The following ASIC1 variants were observed in gnomAD, a reference collection of about 807,000 sequenced individuals.
ASIC1 encodes the protein acid-sensing ion channel 1.
A neutral mutation model predicts 63.4 loss-of-function variants in ASIC1; 21 were observed. The ratio of observed to expected loss-of-function variants is 0.33; its 90% CI spans 0.23 to 0.48. ASIC1 has a LOEUF of 0.48. Ranked by LOEUF, ASIC1 falls within the 20% of genes least tolerant of loss-of-function variation. The probability of loss-of-function intolerance (pLI) is 0.99; values close to 1 mark genes in which losing one functional copy is unlikely to be tolerated. For missense variants in ASIC1, 478 were observed against 695.5 expected (o/e 0.69, Z 3.52); for synonymous variants, 258 against 278.2 (o/e 0.93, Z 0.72).
At chr12:50,065,660 G>T (rs373947428) in intron 3 of ASIC1, among the ~76,000 whole-genome samples, 180 of 152,340 alleles carry the variant, frequency 1.2e-3, no homozygotes, top group South Asian at 5.2e-3. Flanking sequence ...GCCACCCCAG[G>T]CTCTCCAAGG....
rs1040152205 is a variant in ASIC1 at position 50,059,662 on chromosome 12, C to T, written c.363-97C>T. On this transcript the variant is annotated intron_variant, in intron 2 of 11. Transcript: ENST00000447966. This position sits in a 1 kb window ranked among gnomAD's most constrained non-coding sequence, Gnocchi z 4.6. ...TCTCCTTCCTTGCCTACACCTGGGA[C>T]TGATCCCCAGGGCTGGAGGCTGCCC... The T allele has an allele frequency of 4.7e-6, 6 of 1,281,990 alleles. No homozygotes were observed. The highest frequency in any genetic ancestry group is 1.9e-4 in the Middle Eastern group (1 of 5,298). 79.4% of individuals were successfully genotyped at this position (1,281,990 alleles called of 1,614,324 possible). A position where few individuals can be genotyped will look rare whatever the true frequency, so the allele number is the denominator to read the frequency against.
At chr12:50,062,150 C>T (rs1235104028) in intron 3 of ASIC1, among the ~76,000 whole-genome samples, 1 of 152,238 alleles carries the variant, frequency 6.6e-6, no homozygotes, top group African/African-American at 2.4e-5. Flanking sequence ...TGTTCCCACA[C>T]AGATGGGCGT....
rs750969182 is a variant in ASIC1 at position 50,078,570 on chromosome 12, C to T, written c.987C>T (p.His329=). The T allele has an allele frequency of 1.9e-6, 3 of 1,614,088 alleles. No individual in the cohort carries two copies. The highest frequency in any genetic ancestry group is 2.5e-6 in the Non-Finnish European group (3 of 1,179,976). The part of the protein sequence containing the change: ...LVENCNCRMV[H]MPGDAPYCTP... ...AGAACTGCAACTGCCGCATGGTGCA[C>T]ATGCCAGGTCAGGCCTGGGGCTCCG... The change falls in exon 6 of 12, where the codon CAC becomes CAT. Residue 329 remains histidine, a synonymous_variant. Coordinates refer to ENST00000447966, the MANE Select transcript of ASIC1 (RefSeq NM_001095.4). The surrounding 1 kb of genome is among the most constrained non-coding windows in gnomAD (Gnocchi z 6.0).
At chr12:50,058,126 C>A (rs1950463711) in intron 1 of ASIC1, among the ~76,000 whole-genome samples, 1 of 151,900 alleles carries the variant, frequency 6.6e-6, no homozygotes, top group Admixed American at 6.6e-5. Context: ...TAGGGAACCG[C>A]GCCCCCCCTC....
intron 3 of ASIC1, among the ~76,000 whole-genome samples, chr12:50,060,836 G>A (rs1279941777): frequency 1.3e-5 from 2 of 152,206 alleles, no homozygotes; most frequent in African/African-American, 2.4e-5. Context: ...AGCCATGCAG[G>A]AACAATAACA....
At position 50,081,929 on chromosome 12, in the gene ASIC1, G is replaced by C; in HGVS notation, c.*280G>C. 2.2e-6 allele frequency: 1 copy of C among 455,354 alleles called. No individual in the cohort carries two copies. Among genetic ancestry groups the C allele is most frequent in the Non-Finnish European group, 4.0e-6 (1 of 252,336 alleles). 28.2% of individuals were successfully genotyped at this position (455,354 alleles called of 1,614,324 possible). A position where few individuals can be genotyped will look rare whatever the true frequency, so the allele number is the denominator to read the frequency against. On this transcript the variant is annotated 3_prime_UTR_variant, in exon 12 of 12. Transcript: ENST00000447966. The stretch of plus-strand genomic sequence containing the variant: ...TCTCTCCTCCATGCTGCCTCCCCTA[G>C]CTCCCAGCCTGAATTCTGTCTATCT...
At chr12:50,069,260 A>T (rs1183488402) in intron 3 of ASIC1, among the ~76,000 whole-genome samples, 1 of 56,846 alleles carries the variant, frequency 1.8e-5, no homozygotes, top group Non-Finnish European at 4.6e-5. Context: ...TTTTTATTTT[A>T]TTTATTTATT....
rs1156760325 is a variant in ASIC1, at chr12:50,073,497, G to T, written c.559-3716G>T. On this transcript the variant is annotated intron_variant, in intron 3 of 11. Transcript: ENST00000447966. ...ACGGGCTGGGTGGCTGGCTCTGCCG[G>T]ACTCTGCCTGGAGTCACATCGCCTT... is the stretch of plus-strand genomic sequence containing the variant. 5.6e-6 allele frequency: 8 copies of T among 1,433,172 alleles called. No homozygotes were observed. The South Asian group carries it at 1.2e-4, about 22-fold the overall frequency. 88.8% of individuals were successfully genotyped at this position (1,433,172 alleles called of 1,614,324 possible). A position where few individuals can be genotyped will look rare whatever the true frequency, so the allele number is the denominator to read the frequency against.
rs970951760 is a variant in ASIC1 at position 50,083,602 on chromosome 12, G to A, written c.*1953G>A. 1.3e-5 allele frequency: 2 copies of A among 152,660 alleles called. No individual in the cohort carries two copies. The highest frequency in any genetic ancestry group is 4.8e-5 in the African/African-American group (2 of 41,436). The allele number at this position is 152,660 out of a possible 1,614,324, so 9.5% of individuals were successfully genotyped here. A position where few individuals can be genotyped will look rare whatever the true frequency, so the allele number is the denominator to read the frequency against. On this transcript the variant is annotated 3_prime_UTR_variant, in exon 12 of 12. Coordinates refer to ENST00000447966, the MANE Select transcript of ASIC1 (RefSeq NM_001095.4). The stretch of plus-strand genomic sequence containing the variant: ...GCATGCCTCTGGTCTAATAAACTGG[G>A]TTTCAACCATCTCCTCTTCAGTGTT...
Position 50,059,653 on chromosome 12 carries a change from C to T in ASIC1, c.363-106C>T, listed in dbSNP as rs1052628925. On this transcript the variant is annotated intron_variant, in intron 2 of 11. Coordinates refer to ENST00000447966, the MANE Select transcript of ASIC1 (RefSeq NM_001095.4). This position sits in a 1 kb window ranked among gnomAD's most constrained non-coding sequence, Gnocchi z 4.6. The stretch of plus-strand genomic sequence containing the variant: ...ATGCCCAGCTCTCCTTCCTTGCCTA[C>T]ACCTGGGACTGATCCCCAGGGCTGG... 4.2e-6 allele frequency: 5 copies of T among 1,181,122 alleles called. No homozygotes were observed. Among genetic ancestry groups the T allele is most frequent in the African/African-American group, 3.0e-5 (2 of 65,804 alleles). 73.2% of individuals were successfully genotyped at this position (1,181,122 alleles called of 1,614,324 possible).
intron 3 of ASIC1, among the ~76,000 whole-genome samples, chr12:50,070,368 G>A (rs946092628): frequency 6.6e-6 from 1 of 151,836 alleles, no homozygotes; most frequent in Non-Finnish European, 1.5e-5. Flanking sequence ...GTGTGTGTGT[G>A]TTGGGGTGTG....
chr12:50,070,025 A>G (rs937431170), intron 3 of ASIC1, among the ~76,000 whole-genome samples: 2 of 152,210 alleles, frequency 1.3e-5, no homozygotes, highest in Non-Finnish European at 2.9e-5. Context: ...ATGAGATAAC[A>G]ATTGAAAACC....
Position 50,083,191 on chromosome 12 carries a change from CT to C in ASIC1, c.*1546del, listed in dbSNP as rs1273492457. The stretch of plus-strand genomic sequence containing the variant: ...CCTCACCTGATACCCAAGCCCACCA[CT>C]TTTATTTTCTGGTGAGGTGGGTTTG... On this transcript the variant is annotated 3_prime_UTR_variant, in exon 12 of 12. Coordinates refer to ENST00000447966, the MANE Select transcript of ASIC1 (RefSeq NM_001095.4). 6.6e-6 allele frequency: 1 copy of C among 152,244 alleles called. No homozygotes were observed. The highest frequency in any genetic ancestry group is 1.5e-5 in the Non-Finnish European group (1 of 68,042). 9.4% of individuals were successfully genotyped at this position (152,244 alleles called of 1,614,324 possible).
At chr12:50,063,818 G>A (rs926112960) in intron 3 of ASIC1, among the ~76,000 whole-genome samples, 2 of 152,128 alleles carry the variant, frequency 1.3e-5, no homozygotes, top group African/African-American at 4.8e-5. Context: ...AGGGATGGCA[G>A]TGCCCAGCAA....
In ASIC1 at chr12:50,078,208, G is replaced by A; in HGVS notation, c.837+81G>A. 1 of 1,553,820 alleles carries A rather than the reference G, an allele frequency of 6.4e-7. No individual in the cohort carries two copies. The highest frequency in any genetic ancestry group is 8.7e-7 in the Non-Finnish European group (1 of 1,152,714). ...AGTGGTGGGCAATCAGTAATGGGAA[G>A]GACAGGTGAGCAAGGACCTGGGTGG... On this transcript the variant is annotated intron_variant, in intron 5 of 11. Transcript: ENST00000447966. The surrounding 1 kb of genome is among the most constrained non-coding windows in gnomAD (Gnocchi z 6.0).
In ASIC1 at chr12:50,080,567, C is replaced by T. The variant is rs930829605; in HGVS notation, c.1275C>T (p.Ala425=). Residue 425 remains alanine (A), a synonymous_variant, in exon 9 of 12, where the codon GCC becomes GCT. Coordinates refer to ENST00000447966, the MANE Select transcript of ASIC1 (RefSeq NM_001095.4). ...ATGAGACCATTGAACAGAAGAAGGC[C>T]TATGAGATTGCAGGGCTCCTGGGTG... is the stretch of plus-strand genomic sequence containing the variant. The part of the protein sequence containing the change: ...LNYETIEQKK[A]YEIAGLLGDI... 19 of 1,614,032 alleles carry T rather than the reference C, an allele frequency of 1.2e-5. No individual in the cohort carries two copies. In the African/African-American group the frequency reaches 1.7e-4, roughly 15 times the overall value.
intron 3 of ASIC1, among the ~76,000 whole-genome samples, chr12:50,069,304 AT>A (rs931463826): frequency 3.4e-5 from 5 of 148,820 alleles, no homozygotes; most frequent in Non-Finnish European, 4.5e-5. Context: ...TATTTAATTT[AT>A]TTTTTTGAGA....
At chr12:50,071,052 C>T (rs559538081) in intron 3 of ASIC1, among the ~76,000 whole-genome samples, 1 of 152,310 alleles carries the variant, frequency 6.6e-6, no homozygotes, top group East Asian at 1.9e-4. Context: ...GAACTGGACC[C>T]TTTAGTCTAT....
chr12:50,077,855 G>C, intron 4 of ASIC1, 145 bp from the exon 5 acceptor site: 1 of 1,192,430 alleles, frequency 8.4e-7, no homozygotes, highest in Non-Finnish European at 1.2e-6. Context: ...GGAGGCTAGG[G>C]GGTGGGCTAG....
Sources: gnomAD v4.1 joint callset for allele counts (sites outside exome capture counted in the v4.1 genomes callset) on GRCh38, gnomAD v4.1.1 for gene constraint, Gnocchi (gnomAD v3.1) non-coding constraint, MANE v1.5 for transcripts, NCBI Gene and HGNC (gene_info 2026-07-23, HGNC 2026-07-21) for gene names.